FUT8: variants seen among roughly 807,000 people sequenced by gnomAD.
FUT8 encodes the protein alpha-(1,6)-fucosyltransferase.
FUT8 carries 29 observed loss-of-function variants against 71.3 expected under a neutral mutation model. The observed-to-expected ratio is 0.41, with a 90% CI of 0.30 to 0.55. FUT8 has a LOEUF of 0.55. Ranked by LOEUF, FUT8 falls within the 20% of genes least tolerant of loss-of-function variation. FUT8 has a pLI of 0.34. For missense variants in FUT8, 544 were observed against 702.1 expected, an observed-to-expected ratio of 0.77 and a Z score of 2.55; for synonymous variants, 254 against 239.3, an observed-to-expected ratio of 1.06 and a Z score of -0.57.
chr14:65,696,163 A>C (rs1431239954), intron 7 of FUT8, among the ~76,000 whole-genome samples: 1 of 152,128 alleles, frequency 6.6e-6, no homozygotes, highest in Non-Finnish European at 1.5e-5. Flanking sequence ...CTTAAAAAAG[A>C]TTTCATTTAT....
chr14:65,616,998 T>A, intron 5 of FUT8: 1 of 1,382,750 alleles, frequency 7.2e-7, no homozygotes, highest in Non-Finnish European at 9.7e-7. Flanking sequence ...GCTGTTGTAT[T>A]CATGCAGAAC....
intron 5 of FUT8, among the ~76,000 whole-genome samples, chr14:65,628,565 G>A (rs1890016360): frequency 6.6e-6 from 1 of 152,082 alleles, no homozygotes; most frequent in Non-Finnish European, 1.5e-5. Context: ...AGATTTGTAG[G>A]GGATGTTAGA....
chr14:65,650,842 G>A (rs181559422), intron 6 of FUT8, among the ~76,000 whole-genome samples: 9 of 152,214 alleles, frequency 5.9e-5, no homozygotes, highest in Admixed American at 2.0e-4. Flanking sequence ...AAACCTTAGT[G>A]GACAGAGAGG....
At chr14:65,493,356 C>T (rs575914287) in intron 2 of FUT8, among the ~76,000 whole-genome samples, 1 of 152,182 alleles carries the variant, frequency 6.6e-6, no homozygotes, top group African/African-American at 2.4e-5. Flanking sequence ...AAATGACCAC[C>T]TTCTCCCTCT....
chr14:65,726,547 T>A (rs1895695420), intron 9 of FUT8, among the ~76,000 whole-genome samples: 1 of 152,216 alleles, frequency 6.6e-6, no homozygotes, highest in Non-Finnish European at 1.5e-5. Context: ...CTATTCGCTA[T>A]CACGAGAACA....
the FUT8 span, among the ~76,000 whole-genome samples, chr14:65,377,443 T>C: frequency 6.6e-6 from 1 of 152,272 alleles, no homozygotes; most frequent in South Asian, 2.1e-4. Flanking sequence ...AAAATGGGCA[T>C]TCTGTGTTAA....
At chr14:65,394,750 C>CTTTTT in the FUT8 span, among the ~76,000 whole-genome samples, 9 of 132,578 alleles carry the variant, frequency 6.8e-5, no homozygotes, top group South Asian at 2.4e-4. Flanking sequence ...GCAGTCAAAT[C>CTTTTT]TTTTTTTTTT....
At chr14:65,526,138 A>G (rs1244703573) in intron 2 of FUT8, among the ~76,000 whole-genome samples, 2 of 152,178 alleles carry the variant, frequency 1.3e-5, no homozygotes, top group Admixed American at 6.5e-5. Flanking sequence ...TGTCTCATTG[A>G]TCTGTCTGAT....
chr14:65,511,261 C>T (rs891883297), intron 2 of FUT8, among the ~76,000 whole-genome samples: 3 of 151,770 alleles, frequency 2.0e-5, no homozygotes, highest in African/African-American at 2.4e-5. Flanking sequence ...TTATTGTGGT[C>T]GGAGAAGATG....
chr14:65,699,140 C>T (rs1894150066), intron 7 of FUT8, among the ~76,000 whole-genome samples: 1 of 132,584 alleles, frequency 7.5e-6, no homozygotes. Context: ...ACACTCCCTC[C>T]CTTCTACACA....
At chr14:65,689,876 A>G (rs932773213) in intron 7 of FUT8, among the ~76,000 whole-genome samples, 3 of 152,196 alleles carry the variant, frequency 2.0e-5, no homozygotes, top group East Asian at 1.9e-4. Flanking sequence ...TAACTTCTCA[A>G]TTGTTTTATT....
intron 2 of FUT8, among the ~76,000 whole-genome samples, chr14:65,473,354 C>T (rs1158599492): frequency 1.3e-5 from 2 of 152,090 alleles, no homozygotes; most frequent in African/African-American, 2.4e-5. Flanking sequence ...TCTTTTCTAT[C>T]TCTCACCTTC....
intron 6 of FUT8, 109 bp downstream of exon 6, chr14:65,629,715 G>T (rs1890077056): frequency 1.4e-6 from 1 of 706,528 alleles, no homozygotes; most frequent in South Asian, 1.7e-5. Context: ...TTGAAAATCA[G>T]TACTCACACA....
At chr14:65,725,617 C>G (rs554911015) in intron 9 of FUT8, among the ~76,000 whole-genome samples, 106 of 152,318 alleles carry the variant, frequency 7.0e-4, no homozygotes, top group African/African-American at 2.4e-3. Flanking sequence ...GTACAGTTCT[C>G]TGTTGTAGTG....
At chr14:65,692,453 G>C (rs1370178150) in intron 7 of FUT8, among the ~76,000 whole-genome samples, 56 of 138,162 alleles carry the variant, frequency 4.1e-4, no homozygotes, top group African/African-American at 1.4e-3. Flanking sequence ...GCCGGGCGGG[G>C]GGCTGACCCC....
chr14:65,710,761 A>T (rs1328744672), intron 7 of FUT8, among the ~76,000 whole-genome samples: 1 of 152,182 alleles, frequency 6.6e-6, no homozygotes, highest in Non-Finnish European at 1.5e-5. Context: ...GCATTGCTAT[A>T]AAGTAATACT....
At chr14:65,591,719 A>G (rs1476551145) in intron 3 of FUT8, among the ~76,000 whole-genome samples, 1 of 152,066 alleles carries the variant, frequency 6.6e-6, no homozygotes, top group Non-Finnish European at 1.5e-5. Context: ...TTGAAGCTAG[A>G]ATGCTTTATG....
At chr14:65,709,287 A>G (rs1405365307) in intron 7 of FUT8, among the ~76,000 whole-genome samples, 2 of 152,158 alleles carry the variant, frequency 1.3e-5, no homozygotes, top group African/African-American at 2.4e-5. Context: ...CTCTTAGTCT[A>G]TTTCCTCTGT....
the FUT8 span, among the ~76,000 whole-genome samples, chr14:65,390,571 A>G: frequency 6.6e-6 from 1 of 151,934 alleles, no homozygotes. Context: ...CAGGTTTTCT[A>G]AAAGGGTTAT....
Sources: gnomAD v4.1 joint callset for allele counts (sites outside exome capture counted in the v4.1 genomes callset) on GRCh38, gnomAD v4.1.1 for gene constraint, MANE v1.5 for transcripts, NCBI Gene and HGNC (gene_info 2026-07-23, HGNC 2026-07-21) for gene names.